Variants in CREB5 observed in about 807,000 individuals in gnomAD.
CREB5 encodes the protein cAMP responsive element binding protein 5.
In CREB5, 19 loss-of-function variants were observed where a neutral mutation model predicts 57.1. The observed-to-expected ratio is 0.33, with a 90% confidence interval of 0.23 to 0.49. CREB5 has a LOEUF of 0.49. Ranked by LOEUF, CREB5 falls within the 20% of genes least tolerant of loss-of-function variation. The probability of loss-of-function intolerance (pLI) is 0.99; values close to 1 mark genes in which losing one functional copy is unlikely to be tolerated. For synonymous variants in CREB5, 238 were observed against 238.3 expected, an observed-to-expected ratio of 1.00 and a Z score of 0.01; for missense variants, 579 against 671.6, an observed-to-expected ratio of 0.86 and a Z score of 1.52.
chr7:28,771,491 T>TA (rs1293523061), intron 7 of CREB5, among the ~76,000 whole-genome samples: 2 of 152,066 alleles, frequency 1.3e-5, no homozygotes, highest in East Asian at 3.9e-4. Flanking sequence ...TCATCCTCTT[T>TA]AAAAGAAAGA....
In CREB5 at chr7:28,389,537, A is replaced by G. The variant is rs117898413; in HGVS notation, c.-25+90096A>G. Reference sequence around the variant, plus strand: ...TTAATCTTGTCCTCAGATGGTGTTCACCTTACTTAGCCTTTGTCTTCAAAT... The same window carrying G: ...TTAATCTTGTCCTCAGATGGTGTTCGCCTTACTTAGCCTTTGTCTTCAAAT... On this transcript the variant is annotated intron_variant, in intron 1 of 9. Transcript: ENST00000396299. Among the ~76,000 whole-genome samples, 1,395 of 151,992 alleles carry G rather than the reference A, an allele frequency of 9.2e-3. 12 individuals are homozygous for G. The highest frequency in any genetic ancestry group is 0.014 in the Non-Finnish European group (946 of 67,992).
At chr7:28,690,757 C>G (rs1020745359) in intron 5 of CREB5, among the ~76,000 whole-genome samples, 4 of 152,122 alleles carry the variant, frequency 2.6e-5, no homozygotes, top group African/African-American at 9.7e-5. Context: ...TCGCAGCAGT[C>G]CCTGCTGCAG....
At chr7:28,813,815 C>A (rs1390924111) in intron 9 of CREB5, among the ~76,000 whole-genome samples, 1 of 152,046 alleles carries the variant, frequency 6.6e-6, no homozygotes. Flanking sequence ...TAGATCAGTC[C>A]AACTGGATCT....
At chr7:28,424,302 C>T (rs1372276229) in intron 1 of CREB5, among the ~76,000 whole-genome samples, 1 of 152,212 alleles carries the variant, frequency 6.6e-6, no homozygotes, top group Non-Finnish European at 1.5e-5. Context: ...CAAACCACTA[C>T]AGCAGGTGTG....
chr7:28,310,657 C>T (rs1785259300), intron 1 of CREB5, among the ~76,000 whole-genome samples: 1 of 152,208 alleles, frequency 6.6e-6, no homozygotes, highest in African/African-American at 2.4e-5. Flanking sequence ...CAAACATATA[C>T]GAAAGTATGT....
chr7:28,361,538 TG>T (rs530654921), intron 1 of CREB5, among the ~76,000 whole-genome samples: 155 of 152,262 alleles, frequency 1.0e-3, no homozygotes, highest in African/African-American at 3.6e-3. Context: ...TCTTCCAGGG[TG>T]TTGACTCTTG....
intron 7 of CREB5, among the ~76,000 whole-genome samples, chr7:28,786,011 T>A (rs1031443558): frequency 7.9e-5 from 12 of 152,096 alleles, no homozygotes; most frequent in Non-Finnish European, 1.5e-4. Flanking sequence ...ATGCAGCAGA[T>A]CCAATGGCAT....
At chr7:28,613,142 T>C (rs1051748686) in intron 5 of CREB5, among the ~76,000 whole-genome samples, 2 of 152,178 alleles carry the variant, frequency 1.3e-5, no homozygotes, top group Non-Finnish European at 2.9e-5. Flanking sequence ...CAGCAAACCA[T>C]TCGTGAAGTA....
chr7:28,377,938 AAAAAAAAC>A (rs1232643733), intron 1 of CREB5, among the ~76,000 whole-genome samples: 1 of 150,474 alleles, frequency 6.6e-6, no homozygotes, highest in Non-Finnish European at 1.5e-5. Context: ...TCTCAAAAAA[AAAAAAAAC>A]AAAAAAGAAA....
rs539185007 is a variant in CREB5, at chr7:28,807,789, G to GA, written c.1027-1387dup. ...CCTGAGTGACTAAGAAATGGGAGAGGAAAAAAAAAAACACCTTTTATTGAG... is the reference window on the plus strand; with the variant it reads ...CCTGAGTGACTAAGAAATGGGAGAGGAAAAAAAAAAAACACCTTTTATTGAG... On this transcript the variant is annotated intron_variant, in intron 8 of 10. Coordinates refer to ENST00000357727, the MANE Select transcript of CREB5 (RefSeq NM_182898.4). Among the ~76,000 whole-genome samples, 435 of 143,942 alleles carry GA rather than the reference G, an allele frequency of 3.0e-3. 3 individuals carry two copies. The highest frequency in any genetic ancestry group is 0.022 in the South Asian group (99 of 4,564). 94.4% of individuals were successfully genotyped at this position (143,942 alleles called of 152,430 possible).
chr7:28,418,018 A>T (rs1240569217), intron 1 of CREB5, among the ~76,000 whole-genome samples: 1 of 152,176 alleles, frequency 6.6e-6, no homozygotes, highest in Non-Finnish European at 1.5e-5. Flanking sequence ...CAGGATTCTC[A>T]CATTTCAGTT....
intron 5 of CREB5, among the ~76,000 whole-genome samples, chr7:28,613,651 G>A (rs1319409285): frequency 3.9e-5 from 6 of 152,164 alleles, no homozygotes; most frequent in South Asian, 2.1e-4. Flanking sequence ...CCTGTGTCTC[G>A]TTTGAAAATT....
intron 5 of CREB5, among the ~76,000 whole-genome samples, chr7:28,600,854 T>C (rs310360): frequency 0.99 from 150,853 of 152,282 alleles, 74,744 homozygotes; most frequent in Middle Eastern, 1. Flanking sequence ...ACTCAGTCAC[T>C]ATTCAGGGAA....
intron 5 of CREB5, among the ~76,000 whole-genome samples, chr7:28,591,045 C>G (rs1373202859): frequency 6.6e-6 from 1 of 152,064 alleles, no homozygotes; most frequent in Non-Finnish European, 1.5e-5. Context: ...TGAAAATGTC[C>G]CTGTTCCCCA....
At chr7:28,332,131 G>A (rs1785728267) in intron 1 of CREB5, among the ~76,000 whole-genome samples, 1 of 152,202 alleles carries the variant, frequency 6.6e-6, no homozygotes. Context: ...GCTACATGAA[G>A]ATGGAGGCAG....
At chr7:28,318,604 C>A (rs113156341) in intron 1 of CREB5, among the ~76,000 whole-genome samples, 2 of 152,164 alleles carry the variant, frequency 1.3e-5, no homozygotes, top group Non-Finnish European at 1.5e-5. Context: ...CTCAGGGTTG[C>A]CTGAGACAGG....
chr7:28,324,280 C>T (rs1785541655), intron 1 of CREB5, among the ~76,000 whole-genome samples: 2 of 152,146 alleles, frequency 1.3e-5, no homozygotes, highest in African/African-American at 4.8e-5. Flanking sequence ...AGCAAACCTT[C>T]TTTAAGAGCT....
intron 5 of CREB5, among the ~76,000 whole-genome samples, chr7:28,692,738 C>G (rs1801338882): frequency 6.6e-6 from 1 of 152,148 alleles, no homozygotes; most frequent in Non-Finnish European, 1.5e-5. Context: ...CACTGCACAA[C>G]AGCTTGGGTG....
At position 28,560,857 on chromosome 7, in the gene CREB5, T is replaced by TGCGCGTGCGC. The variant is rs199933711; in HGVS notation, c.292-9505_292-9504insCGTGCGCGCG. 7.8e-5 allele frequency among the ~76,000 whole-genome samples: 4 copies of TGCGCGTGCGC among 51,018 alleles called. 1 individual carries two copies. Among genetic ancestry groups the TGCGCGTGCGC allele is most frequent in the Non-Finnish European group, 1.8e-4 (4 of 22,402 alleles). The allele number at this position is 51,018 out of a possible 152,430, so 33.5% of individuals were successfully genotyped here. A position where few individuals can be genotyped will look rare whatever the true frequency, so the allele number is the denominator to read the frequency against. ...GCGTGTGTGTGTGCGCGTGTGTGTG[T>TGCGCGTGCGC]GCGTGTGCCTGCGTGCGCGTGCGTG... On this transcript the variant is annotated intron_variant, in intron 4 of 10. Coordinates refer to ENST00000357727, the MANE Select transcript of CREB5 (RefSeq NM_182898.4).
Sources: gnomAD v4.1 joint callset for allele counts (sites outside exome capture counted in the v4.1 genomes callset) on GRCh38, gnomAD v4.1.1 for gene constraint, MANE v1.5 for transcripts, NCBI Gene and HGNC (gene_info 2026-07-23, HGNC 2026-07-21) for gene names.